SULF1: variants seen among roughly 807,000 people sequenced by gnomAD.
The protein encoded by SULF1 is extracellular sulfatase Sulf-1.
Under a neutral mutation model 110.5 loss-of-function variants are expected in SULF1, and 46 were observed. The observed-to-expected ratio is 0.42, with a 90% CI of 0.33 to 0.53. SULF1 has a LOEUF of 0.53. Among genes scored for constraint, SULF1 ranks in the 20% least tolerant of loss-of-function variants. The pLI is 0.12. For synonymous variants in SULF1, 371 were observed against 387.1 expected (o/e 0.96, Z 0.49); for missense variants, 941 against 1,094.2 (o/e 0.86, Z 1.98).
At chr8:69,609,662 T>C (rs552344760) in intron 13 of SULF1, among the ~76,000 whole-genome samples, 7 of 152,358 alleles carry the variant, frequency 4.6e-5, no homozygotes, top group South Asian at 4.1e-4. Flanking sequence ...TTCTTCCCTG[T>C]AACATGCTGC....
chr8:69,657,261 A>C (rs953587138), intron 22 of SULF1, among the ~76,000 whole-genome samples: 1 of 152,064 alleles, frequency 6.6e-6, no homozygotes, highest in Non-Finnish European at 1.5e-5. Flanking sequence ...GCAGGATCTG[A>C]AATTTCCCAT....
intron 3 of SULF1, among the ~76,000 whole-genome samples, chr8:69,544,132 G>C (rs1288490969): frequency 2.0e-5 from 3 of 152,110 alleles, no homozygotes; most frequent in African/African-American, 7.2e-5. Flanking sequence ...TAACTTTAGA[G>C]TTTAGTAATT....
intron 13 of SULF1, among the ~76,000 whole-genome samples, chr8:69,618,718 G>A (rs1256730550): frequency 6.6e-6 from 1 of 152,178 alleles, no homozygotes; most frequent in Admixed American, 6.5e-5. Flanking sequence ...AGTACCAAGA[G>A]TATAGGGGGC....
intron 8 of SULF1, among the ~76,000 whole-genome samples, chr8:69,594,578 A>G (rs1198681421): frequency 1.3e-5 from 2 of 152,186 alleles, no homozygotes; most frequent in African/African-American, 4.8e-5. Context: ...CCACAGGACA[A>G]AGGTTTTGAA....
chr8:69,653,733 T>A (rs188946238), intron 22 of SULF1, among the ~76,000 whole-genome samples: 1 of 152,354 alleles, frequency 6.6e-6, no homozygotes, highest in East Asian at 1.9e-4. Context: ...GTCTTTCTGA[T>A]GATCAGCCCA....
At position 69,623,955 on chromosome 8, in the gene SULF1, A is replaced by G. The variant is rs1352896538; in HGVS notation, c.1608A>G (p.Arg536=). The part of the protein sequence containing the change: ...RNQGTPKYKP[R]FVHTRQTRSL... The stretch of plus-strand genomic sequence containing the variant: ...CCTTACTTCTAGAGTACAAGCCCAG[A>G]TTTGTCCATACTCGGCAGACACGTT... Residue 536 remains arginine (R), a synonymous_variant, in exon 15 of 23, where the codon AGA becomes AGG. Transcript: ENST00000402687. 3.1e-6 allele frequency: 5 copies of G among 1,613,650 alleles called. No individual in the cohort carries two copies. The highest frequency in any genetic ancestry group is 1.7e-5 in the Admixed American group (1 of 59,958).
At chr8:69,512,054 T>C (rs1811603742) in intron 3 of SULF1, among the ~76,000 whole-genome samples, 1 of 152,206 alleles carries the variant, frequency 6.6e-6, no homozygotes, top group Non-Finnish European at 1.5e-5. Context: ...TATGGAGATG[T>C]TTCACACAGC....
intron 5 of SULF1, among the ~76,000 whole-genome samples, chr8:69,573,658 A>C (rs776247664): frequency 2.6e-5 from 4 of 152,208 alleles, no homozygotes; most frequent in Admixed American, 6.5e-5. Flanking sequence ...AAAGAGGAGC[A>C]ATGAGACATG....
chr8:69,552,542 T>C (rs1408342761), intron 3 of SULF1, among the ~76,000 whole-genome samples: 1 of 152,234 alleles, frequency 6.6e-6, no homozygotes, highest in African/African-American at 2.4e-5. Flanking sequence ...ACATTTTTCT[T>C]AGTGAATTTG....
rs774338531 is a variant in SULF1 at position 69,627,826 on chromosome 8, A to G, written c.2002A>G (p.Lys668Glu). The change falls in exon 17 of 23, where the codon AAG becomes GAG. Residue 668 changes from lysine to glutamate, a missense_variant. By Grantham distance (56) the Lys-to-Glu change is moderately conservative. Coordinates refer to ENST00000402687, the MANE Select transcript of SULF1 (RefSeq NM_001128205.2). ...KNLREVRGHL[K>E]RRKPEECSCS... The stretch of plus-strand genomic sequence containing the variant: ...TTTAAGAGAAGTGAGAGGACATCTG[A>G]AGAGAAGGAAGCCTGAGGAATGTAG... 3 of 1,613,618 alleles carry G rather than the reference A, an allele frequency of 1.9e-6. No individual in the cohort carries two copies. The Admixed American group carries it at 5.0e-5, about 27-fold the overall frequency.
intron 19 of SULF1, 139 bp from the exon 20 acceptor site, chr8:69,638,363 C>G: frequency 1.9e-6 from 2 of 1,028,544 alleles, no homozygotes; most frequent in South Asian, 3.2e-5. Context: ...TATTATTATT[C>G]TTAACATGAA....
intron 1 of SULF1, among the ~76,000 whole-genome samples, chr8:69,479,953 C>G (rs372874707): frequency 8.5e-5 from 13 of 152,102 alleles, no homozygotes; most frequent in African/African-American, 3.1e-4. Flanking sequence ...TGAGGGCTAC[C>G]GTGAGTAATC....
chr8:69,619,982 A>G (rs1316603537), intron 13 of SULF1, among the ~76,000 whole-genome samples: 2 of 152,154 alleles, frequency 1.3e-5, no homozygotes, highest in Non-Finnish European at 2.9e-5. Flanking sequence ...AGCTTTCCGT[A>G]TTCCAAGCTC....
intron 1 of SULF1, chr8:69,473,174 C>T (rs899279847): frequency 1.3e-5 from 2 of 152,190 alleles, no homozygotes; most frequent in East Asian, 3.9e-4. Context: ...AAATGTAGCT[C>T]TTCGCTTTAC....
intron 8 of SULF1, among the ~76,000 whole-genome samples, chr8:69,590,723 A>C (rs905834362): frequency 6.6e-6 from 1 of 152,238 alleles, no homozygotes; most frequent in African/African-American, 2.4e-5. Flanking sequence ...ACCTGGGAAT[A>C]TAGCTGGGAT....
At chr8:69,577,656 T>C (rs1331068103) in intron 6 of SULF1, among the ~76,000 whole-genome samples, 2 of 152,180 alleles carry the variant, frequency 1.3e-5, no homozygotes, top group Non-Finnish European at 2.9e-5. Context: ...TAGGGTTTGC[T>C]AATTTGTTTC....
intron 2 of SULF1, among the ~76,000 whole-genome samples, chr8:69,496,825 G>T (rs554558728): frequency 6.6e-6 from 1 of 152,198 alleles, no homozygotes; most frequent in Non-Finnish European, 1.5e-5. Context: ...TTTAAAGAGT[G>T]GATAGTTCGC....
In SULF1 at chr8:69,624,144, G is replaced by A. The variant is rs763394217; in HGVS notation, c.1797G>A (p.Leu599=). Residue 599 remains leucine, a synonymous_variant, in exon 15 of 23, where the codon CTG becomes CTA. Coordinates refer to ENST00000402687, the MANE Select transcript of SULF1 (RefSeq NM_001128205.2). ...ASSGGNRGRM[L]ADSSNAVGPP... ...GTGGTGGCAACAGGGGCAGGATGCT[G>A]GCAGATAGCAGCAACGCCGTGGGCC... 1.2e-6 allele frequency: 2 copies of A among 1,611,602 alleles called. No individual in the cohort carries two copies. The highest frequency in any genetic ancestry group is 2.7e-5 in the African/African-American group (2 of 74,848).
At chr8:69,635,420 T>A (rs1810911693) in intron 19 of SULF1, among the ~76,000 whole-genome samples, 1 of 152,240 alleles carries the variant, frequency 6.6e-6, no homozygotes, top group Non-Finnish European at 1.5e-5. Flanking sequence ...TAAATAAGAA[T>A]GCTCTGTACT....
Sources: allele counts gnomAD v4.1 joint callset (sites outside exome capture counted in the v4.1 genomes callset), GRCh38; gene constraint gnomAD v4.1.1; transcripts MANE v1.5; gene names NCBI Gene and HGNC (gene_info 2026-07-23, HGNC 2026-07-21).